TBC1D8: variants seen among roughly 807,000 people sequenced by gnomAD.
TBC1D8 encodes the protein TBC1 domain family member 8.
A neutral mutation model predicts 118.8 loss-of-function variants in TBC1D8; 65 were observed. The ratio of observed to expected loss-of-function variants is 0.55; its 90% CI spans 0.45 to 0.67. The LOEUF is 0.67. TBC1D8 is among the 30% of genes least tolerant of loss of function. The probability of loss-of-function intolerance (pLI) is 0.00; values close to 1 mark genes in which losing one functional copy is unlikely to be tolerated. For missense variants in TBC1D8, 1,376 were observed against 1,471.2 expected (o/e 0.94, Z 1.06); for synonymous variants, 566 against 595.8 (o/e 0.95, Z 0.73).
chr2:101,137,711 T>C (rs908378797), intron 1 of TBC1D8, among the ~76,000 whole-genome samples: 1 of 152,244 alleles, frequency 6.6e-6, no homozygotes. Flanking sequence ...GTTAGTTTCC[T>C]ACCAGCATTT....
intron 3 of TBC1D8, among the ~76,000 whole-genome samples, chr2:101,054,883 T>C (rs559767398): frequency 1.3e-5 from 2 of 151,008 alleles, no homozygotes; most frequent in African/African-American, 4.9e-5. Flanking sequence ...GGTTTCTCCA[T>C]GTTGGTCAGG....
At position 101,151,382 on chromosome 2, in the gene TBC1D8, T is replaced by G; in HGVS notation, c.-129A>C. 1.1e-6 allele frequency: 1 copy of G among 928,386 alleles called. No homozygotes were observed. The allele number at this position is 928,386 out of a possible 1,614,324, so 57.5% of individuals were successfully genotyped here. On this transcript the variant is annotated 5_prime_UTR_variant, in exon 1 of 20. Transcript: ENST00000409318. ...ACAGCCCGGCCGGTGCCCAGCGCTC[T>G]GAGAGCCCGCGGAGCGCAGCAGGCG...
At chr2:101,008,704 T>TG (rs1173014435) in intron 19 of TBC1D8, among the ~76,000 whole-genome samples, 2 of 151,750 alleles carry the variant, frequency 1.3e-5, no homozygotes, top group Non-Finnish European at 2.9e-5. Context: ...CCCAGCTACT[T>TG]GGGAGGCTGA....
At chr2:101,040,427 T>C (rs1483637508) in intron 5 of TBC1D8, 42 bp from the exon 6 acceptor site, 1 of 1,525,956 alleles carries the variant, frequency 6.6e-7, no homozygotes, top group South Asian at 1.2e-5. Flanking sequence ...ATAGGAAAGG[T>C]GAATGGACAG....
At chr2:101,040,750 G>A (rs191399314) in intron 5 of TBC1D8, among the ~76,000 whole-genome samples, 9 of 152,204 alleles carry the variant, frequency 5.9e-5, no homozygotes, top group Admixed American at 1.3e-4. Flanking sequence ...GATTACAGGC[G>A]TGAGCCACCG....
chr2:101,146,099 G>C lies in TBC1D8; in HGVS notation c.127+5028C>G, dbSNP rs145557021. Among the ~76,000 whole-genome samples, 16 of 152,140 alleles carry C rather than the reference G, an allele frequency of 1.1e-4. No homozygotes were observed. In the East Asian group the frequency reaches 1.7e-3, roughly 17 times the overall value. ...ATTTTAATCATAACCATTATGCATT[G>C]CTGATGGGAATGAAAAATGGTACCG... On this transcript the variant is annotated intron_variant, in intron 1 of 19. Coordinates refer to ENST00000409318, the MANE Select transcript of TBC1D8 (RefSeq NM_001330348.2).
rs1194860697 is a variant in TBC1D8 at position 101,016,676 on chromosome 2, A to C, written c.2827+5005T>G. ...ATAGCAAAGACTTGGAACCAACCCAAATGTCCAACAAGGATAGACTGGATT... is the reference window on the plus strand; with the variant it reads ...ATAGCAAAGACTTGGAACCAACCCACATGTCCAACAAGGATAGACTGGATT... On this transcript the variant is annotated intron_variant, in intron 17 of 19. Transcript: ENST00000409318. Among the ~76,000 whole-genome samples the C allele has an allele frequency of 2.0e-5, 3 of 152,232 alleles. No homozygotes were observed. In the South Asian group the frequency reaches 6.2e-4, roughly 31 times the overall value.
intron 1 of TBC1D8, among the ~76,000 whole-genome samples, chr2:101,128,129 C>T (rs1437758494): frequency 6.6e-6 from 1 of 152,140 alleles, no homozygotes; most frequent in African/African-American, 2.4e-5. Context: ...TTCTTTCCCC[C>T]CAATAACCTT....
chr2:101,097,644 A>G (rs1019977951), intron 1 of TBC1D8, among the ~76,000 whole-genome samples: 1 of 152,160 alleles, frequency 6.6e-6, no homozygotes, highest in East Asian at 1.9e-4. Context: ...CTTGAGGCCA[A>G]GAATTTGAGA....
At chr2:101,075,165 G>A (rs1055832351) in intron 2 of TBC1D8, among the ~76,000 whole-genome samples, 2 of 152,170 alleles carry the variant, frequency 1.3e-5, no homozygotes, top group East Asian at 3.9e-4. Context: ...GGGAGGCCAA[G>A]GCGGGCAGAT....
At chr2:101,131,479 G>C (rs1460404545) in intron 1 of TBC1D8, among the ~76,000 whole-genome samples, 1 of 149,570 alleles carries the variant, frequency 6.7e-6, no homozygotes, top group African/African-American at 2.5e-5. Context: ...CGCTATTGCA[G>C]TTCAGCCTGG....
intron 15 of TBC1D8, 52 bp from the exon 16 acceptor site, chr2:101,022,573 GTTA>G: frequency 4.5e-6 from 7 of 1,560,514 alleles, no homozygotes; most frequent in Non-Finnish European, 6.0e-6. Context: ...AACAAGCCAC[GTTA>G]TTAACACAAA....
At chr2:101,148,278 G>C (rs1679400605) in intron 1 of TBC1D8, among the ~76,000 whole-genome samples, 1 of 152,142 alleles carries the variant, frequency 6.6e-6, no homozygotes, top group Non-Finnish European at 1.5e-5. Flanking sequence ...CGAAATGCTG[G>C]GCCTCTACTC....
At chr2:101,033,482 G>A in intron 10 of TBC1D8, 62 bp downstream of exon 10, 1 of 1,593,932 alleles carries the variant, frequency 6.3e-7, no homozygotes, top group Non-Finnish European at 8.6e-7. Context: ...ATGAAACCCT[G>A]GGAAGGACAA....
intron 1 of TBC1D8, among the ~76,000 whole-genome samples, chr2:101,144,864 G>A (rs1455202449): frequency 6.6e-6 from 1 of 152,150 alleles, no homozygotes; most frequent in African/African-American, 2.4e-5. Flanking sequence ...CTTGAACCCA[G>A]GAGGTGGAGG....
intron 19 of TBC1D8, among the ~76,000 whole-genome samples, chr2:101,010,643 A>G (rs1380367105): frequency 1.3e-5 from 2 of 152,020 alleles, no homozygotes; most frequent in Admixed American, 6.5e-5. Flanking sequence ...CCAGCACTTT[A>G]GGAGGCTGAG....
chr2:101,025,269 G>C (rs1267376631), intron 15 of TBC1D8, among the ~76,000 whole-genome samples: 1 of 151,768 alleles, frequency 6.6e-6, no homozygotes, highest in African/African-American at 2.4e-5. Context: ...TGTGTTGCCA[G>C]GGCTGGAGTG....
Position 101,137,275 on chromosome 2 carries a change from C to T in TBC1D8, c.127+13852G>A, listed in dbSNP as rs1000782969. Reference sequence around the variant, plus strand: ...GTCGAACTCCTGACCTCCAATGATCCGCCCACCCCAGCCTCCCAAAGTGCT... The same window carrying T: ...GTCGAACTCCTGACCTCCAATGATCTGCCCACCCCAGCCTCCCAAAGTGCT... On this transcript the variant is annotated intron_variant, in intron 1 of 19. Transcript: ENST00000409318. Among the ~76,000 whole-genome samples, 19 of 152,128 alleles carry T rather than the reference C, an allele frequency of 1.2e-4. No individual in the cohort carries two copies. In the South Asian group the frequency reaches 2.1e-3, roughly 17 times the overall value.
intron 1 of TBC1D8, among the ~76,000 whole-genome samples, chr2:101,108,900 A>G (rs1677401512): frequency 6.6e-6 from 1 of 152,186 alleles, no homozygotes; most frequent in African/African-American, 2.4e-5. Context: ...ATTGTAACAA[A>G]TAGGCCATAC....
Sources: allele counts gnomAD v4.1 joint callset (sites outside exome capture counted in the v4.1 genomes callset), GRCh38; gene constraint gnomAD v4.1.1; transcripts MANE v1.5; gene names NCBI Gene and HGNC (gene_info 2026-07-23, HGNC 2026-07-21).